DGKI: variants seen among roughly 807,000 people sequenced by gnomAD.
DGKI encodes DAG kinase iota.
Under a neutral mutation model 147.5 loss-of-function variants are expected in DGKI, and 55 were observed. That is an observed-to-expected ratio of 0.37 (90% CI 0.30 to 0.47). The LOEUF (loss-of-function observed/expected upper bound fraction) is 0.47, where lower values mean the gene tolerates loss of function less well. DGKI is among the 20% of genes least tolerant of loss of function. The pLI, the probability that DGKI is intolerant of heterozygous loss-of-function variation, is 1.00. For synonymous variants in DGKI, 469 were observed against 477.1 expected, an observed-to-expected ratio of 0.98 and a Z score of 0.22; for missense variants, 1,007 against 1,323.8, an observed-to-expected ratio of 0.76 and a Z score of 3.71.
At position 137,419,368 on chromosome 7, in the gene DGKI, C is replaced by T. The variant is rs986752512; in HGVS notation, c.2762-7161G>A. ...CCTTTATTCAATCCGTTACTTCTTGCGTGGCTACCAGATAACTTATACCAT... is the reference window on the plus strand; with the variant it reads ...CCTTTATTCAATCCGTTACTTCTTGTGTGGCTACCAGATAACTTATACCAT... On this transcript the variant is annotated intron_variant, in intron 28 of 32. Transcript: ENST00000614521. 2.0e-5 allele frequency among the ~76,000 whole-genome samples: 3 copies of T among 152,170 alleles called. 1 individual carries two copies. Among genetic ancestry groups the T allele is most frequent in the South Asian group, 4.1e-4 (2 of 4,828 alleles).
chr7:137,632,129 G>A (rs1821143053), intron 6 of DGKI, among the ~76,000 whole-genome samples: 1 of 152,222 alleles, frequency 6.6e-6, no homozygotes, highest in Admixed American at 6.5e-5. Flanking sequence ...GACCTAGAGA[G>A]CTATGGAAAT....
intron 1 of DGKI, among the ~76,000 whole-genome samples, chr7:137,717,304 A>G (rs3800634): frequency 6.6e-6 from 1 of 152,194 alleles, no homozygotes; most frequent in South Asian, 2.1e-4. Context: ...TTTGGCTCTC[A>G]AGAAGGAAAA....
chr7:137,457,462 G>A (rs1230503409), intron 27 of DGKI, among the ~76,000 whole-genome samples: 1 of 152,130 alleles, frequency 6.6e-6, no homozygotes, highest in African/African-American at 2.4e-5. Flanking sequence ...GTTCCCAGAA[G>A]AAACTGAATA....
chr7:137,443,294 T>C (rs1019725389), intron 28 of DGKI, among the ~76,000 whole-genome samples: 3 of 152,178 alleles, frequency 2.0e-5, no homozygotes, highest in Non-Finnish European at 2.9e-5. Flanking sequence ...TATGGAACGA[T>C]CATTTTGGTG....
At chr7:137,743,531 T>C (rs1795239205) in intron 1 of DGKI, among the ~76,000 whole-genome samples, 1 of 152,172 alleles carries the variant, frequency 6.6e-6, no homozygotes, top group South Asian at 2.1e-4. Context: ...CATGAATGAC[T>C]TTTGGGTAAA....
At chr7:137,801,678 C>T (rs773214134) in intron 1 of DGKI, among the ~76,000 whole-genome samples, 6 of 152,108 alleles carry the variant, frequency 3.9e-5, no homozygotes, top group Non-Finnish European at 7.4e-5. Context: ...TATAAGATTC[C>T]ATATCCTGAA....
intron 19 of DGKI, among the ~76,000 whole-genome samples, chr7:137,564,567 T>G (rs1818519391): frequency 7.2e-6 from 1 of 139,068 alleles, no homozygotes; most frequent in South Asian, 2.3e-4. Context: ...ACATTTGACT[T>G]CTTTTAAAAA....
At chr7:137,630,949 T>G (rs1364238703) in intron 6 of DGKI, among the ~76,000 whole-genome samples, 2 of 152,198 alleles carry the variant, frequency 1.3e-5, no homozygotes, top group African/African-American at 4.8e-5. Flanking sequence ...CCAATAAAAA[T>G]TATCATTTTA....
intron 4 of DGKI, among the ~76,000 whole-genome samples, chr7:137,655,285 G>A (rs576811630): frequency 4.6e-4 from 69 of 150,164 alleles, no homozygotes; most frequent in African/African-American, 1.6e-3. Flanking sequence ...TGCAACCTCC[G>A]CCTCCTGGAT....
intron 27 of DGKI, among the ~76,000 whole-genome samples, chr7:137,444,958 G>T (rs1026023073): frequency 2.6e-5 from 4 of 152,160 alleles, no homozygotes; most frequent in Admixed American, 2.6e-4. Flanking sequence ...CGAAGGGAAA[G>T]ACAAGACATC....
rs191782357 is a variant in DGKI, at chr7:137,383,597, G to T, written c.*7623C>A. On this transcript the variant is annotated 3_prime_UTR_variant, in exon 33 of 33. Coordinates refer to ENST00000614521, the MANE Select transcript of DGKI (RefSeq NM_001321708.2). ...TATGCCTTTGATCTCTGAGTTAGTTGTTCAATCTTCACTTAACTACTAGAA... is the reference window on the plus strand; with the variant it reads ...TATGCCTTTGATCTCTGAGTTAGTTTTTCAATCTTCACTTAACTACTAGAA... 6.6e-6 allele frequency: 1 copy of T among 151,858 alleles called. No individual in the cohort carries two copies. Among genetic ancestry groups the T allele is most frequent in the East Asian group, 1.9e-4 (1 of 5,178 alleles). The allele number at this position is 151,858 out of a possible 1,614,324, so 9.4% of individuals were successfully genotyped here. A position where few individuals can be genotyped will look rare whatever the true frequency, so the allele number is the denominator to read the frequency against.
chr7:137,470,962 T>C (rs1450602658), intron 23 of DGKI, among the ~76,000 whole-genome samples: 1 of 152,172 alleles, frequency 6.6e-6, no homozygotes, highest in Non-Finnish European at 1.5e-5. Context: ...TTTTATTTCT[T>C]ATAAAGAATT....
At chr7:137,670,835 C>A (rs538374568) in intron 3 of DGKI, among the ~76,000 whole-genome samples, 6 of 152,198 alleles carry the variant, frequency 3.9e-5, no homozygotes, top group African/African-American at 1.4e-4. Flanking sequence ...TCTGCTGTGC[C>A]AGACAACTGG....
chr7:137,724,587 T>C (rs1023552022), intron 1 of DGKI, among the ~76,000 whole-genome samples: 1 of 152,152 alleles, frequency 6.6e-6, no homozygotes, highest in Non-Finnish European at 1.5e-5. Flanking sequence ...GATGAATTGT[T>C]GGTAAAAAAG....
At chr7:137,679,439 T>G (rs1276631034) in intron 2 of DGKI, among the ~76,000 whole-genome samples, 1 of 151,500 alleles carries the variant, frequency 6.6e-6, no homozygotes, top group Non-Finnish European at 1.5e-5. Context: ...ATGAATAGAA[T>G]TCCATATTCC....
chr7:137,552,461 C>A lies in DGKI; in HGVS notation c.2055G>T (p.Arg685Ser). ...AGATCCGAATCATAGCTGGGGCCAA[C>A]CTACAGGGCTCCCCATCCACTTGCA... is the stretch of plus-strand genomic sequence containing the variant. ...IPMQVDGEPCRLAPAMIRISL... is the reference protein window; with the variant it reads ...IPMQVDGEPCSLAPAMIRISL... The change falls in exon 20 of 33, where the codon AGG (arginine) becomes AGT (serine). Residue 685 changes from arginine (R) to serine (S), a missense_variant. Around this residue, in one of 5 missense-constraint regions of DGKI, gnomAD observed 224 missense variants for 382.7 expected, o/e 0.59. Coordinates refer to ENST00000614521, the MANE Select transcript of DGKI (RefSeq NM_001321708.2). The A allele has an allele frequency of 2.5e-6, 4 of 1,614,170 alleles. No individual in the cohort carries two copies. The highest frequency in any genetic ancestry group is 3.4e-6 in the Non-Finnish European group (4 of 1,180,026).
intron 6 of DGKI, among the ~76,000 whole-genome samples, chr7:137,628,328 G>A (rs529284054): frequency 2.0e-5 from 3 of 152,334 alleles, no homozygotes; most frequent in South Asian, 4.1e-4. Context: ...CCTTGGCAAT[G>A]AGCCTGGTGG....
intron 1 of DGKI, among the ~76,000 whole-genome samples, chr7:137,816,805 T>C (rs1011236540): frequency 6.6e-6 from 1 of 152,196 alleles, no homozygotes; most frequent in African/African-American, 2.4e-5. Flanking sequence ...ACTTTTGAGT[T>C]AAGACCTGAA....
At chr7:137,794,940 C>T (rs546500011) in intron 1 of DGKI, among the ~76,000 whole-genome samples, 24 of 152,308 alleles carry the variant, frequency 1.6e-4, no homozygotes, top group African/African-American at 3.4e-4. Context: ...CGTCCAGCTA[C>T]GTCCTTTTTA....
Sources: allele counts gnomAD v4.1 joint callset (sites outside exome capture counted in the v4.1 genomes callset), GRCh38; gene constraint gnomAD v4.1.1; regional missense constraint gnomAD v4.1.1; transcripts MANE v1.5; gene names NCBI Gene and HGNC (gene_info 2026-07-23, HGNC 2026-07-21).